PTPRG: variants seen among roughly 807,000 people sequenced by gnomAD.
PTPRG encodes the protein receptor-type tyrosine-protein phosphatase gamma.
PTPRG carries 102 observed loss-of-function variants against 165.3 expected under a neutral mutation model. That is an observed-to-expected ratio of 0.62 (90% CI 0.53 to 0.73). PTPRG has a LOEUF of 0.73. PTPRG is among the 30% of genes least tolerant of loss of function. The pLI is 0.00. For synonymous variants in PTPRG, 675 were observed against 669.5 expected (o/e 1.01, Z -0.13); for missense variants, 1,866 against 1,861.4 (o/e 1.00, Z -0.05).
intron 2 of PTPRG, among the ~76,000 whole-genome samples, chr3:61,974,279 G>A (rs1273196181): frequency 6.6e-6 from 1 of 151,944 alleles, no homozygotes; most frequent in Non-Finnish European, 1.5e-5. Context: ...CAACGTTTAT[G>A]TCATTAATCT....
intron 4 of PTPRG, among the ~76,000 whole-genome samples, chr3:62,032,000 G>A (rs1053102105): frequency 3.9e-5 from 6 of 152,194 alleles, no homozygotes; most frequent in African/African-American, 1.2e-4. Flanking sequence ...GTCAGAACTG[G>A]AAATAAAGAT....
At chr3:61,905,276 C>T (rs2107528648) in intron 2 of PTPRG, among the ~76,000 whole-genome samples, 1 of 152,234 alleles carries the variant, frequency 6.6e-6, no homozygotes, top group East Asian at 1.9e-4. Flanking sequence ...GACTGTGATT[C>T]CAAGTATGTG....
chr3:61,964,265 C>T (rs1356095112), intron 2 of PTPRG, among the ~76,000 whole-genome samples: 2 of 152,158 alleles, frequency 1.3e-5, no homozygotes, highest in South Asian at 4.1e-4. Flanking sequence ...GGCAGGATGG[C>T]TTTATAACAT....
rs1700856536 is a variant in PTPRG, at chr3:62,229,967, T to C, written c.2289-1258T>C. Reference sequence around the variant, plus strand: ...TAGGAAGCTGCAAATTTCAAGTTTTTATGAGAATTTGTAAAAACATTCCAA... The same window carrying C: ...TAGGAAGCTGCAAATTTCAAGTTTTCATGAGAATTTGTAAAAACATTCCAA... On this transcript the variant is annotated intron_variant, in intron 13 of 29. Coordinates refer to ENST00000474889, the MANE Select transcript of PTPRG (RefSeq NM_002841.4). This position sits in a 1 kb window ranked among gnomAD's most constrained non-coding sequence, Gnocchi z 4.6. Among the ~76,000 whole-genome samples, 1 of 152,244 alleles carries C rather than the reference T, an allele frequency of 6.6e-6. No homozygotes were observed. The highest frequency in any genetic ancestry group is 2.4e-5 in the African/African-American group (1 of 41,460).
chr3:62,008,774 C>T lies in PTPRG; in HGVS notation c.519+5277C>T, dbSNP rs113131109. 5.3e-3 allele frequency among the ~76,000 whole-genome samples: 813 copies of T among 152,248 alleles called. 5 individuals carry two copies. Among genetic ancestry groups the T allele is most frequent in the African/African-American group, 0.018 (737 of 41,546 alleles). On this transcript the variant is annotated intron_variant, in intron 4 of 29. Transcript: ENST00000474889. ...CAAAAGGAGCATGCAGCCTAGATCC[C>T]TCGCACGTGCAGTTCACAATAGGGT... is the stretch of plus-strand genomic sequence containing the variant.
intron 8 of PTPRG, among the ~76,000 whole-genome samples, chr3:62,184,601 C>T (rs1221872926): frequency 6.6e-6 from 1 of 152,206 alleles, no homozygotes; most frequent in Non-Finnish European, 1.5e-5. Flanking sequence ...CTGCTTTTAA[C>T]AGGAAATGCC....
At chr3:62,282,436 C>T (rs1702485434) in intron 27 of PTPRG, among the ~76,000 whole-genome samples, 3 of 150,388 alleles carry the variant, frequency 2.0e-5, no homozygotes, top group African/African-American at 7.3e-5. Context: ...CCCTGTGTTG[C>T]CCAGGTGGGT....
At chr3:61,657,711 T>C (rs1387075071) in intron 1 of PTPRG, among the ~76,000 whole-genome samples, 2 of 152,180 alleles carry the variant, frequency 1.3e-5, no homozygotes, top group Admixed American at 6.5e-5. Context: ...ATGAAACCAA[T>C]TGATGATAAA....
chr3:61,657,515 C>T (rs1014750173), intron 1 of PTPRG, among the ~76,000 whole-genome samples: 1 of 152,178 alleles, frequency 6.6e-6, no homozygotes, highest in African/African-American at 2.4e-5. Context: ...TGGTGAGCTC[C>T]TGTAGTCCCA....
chr3:61,897,948 A>T (rs143098021), intron 2 of PTPRG, among the ~76,000 whole-genome samples: 49 of 151,918 alleles, frequency 3.2e-4, no homozygotes, highest in African/African-American at 1.1e-3. Context: ...GTTTTTTTTC[A>T]TGGATTCCTT....
At position 61,868,792 on chromosome 3, in the gene PTPRG, A is replaced by G. The variant is rs765799612; in HGVS notation, c.190+119810A>G. Among the ~76,000 whole-genome samples, 16 of 152,016 alleles carry G rather than the reference A, an allele frequency of 1.1e-4. No individual in the cohort carries two copies. The South Asian group carries it at 1.9e-3, about 18-fold the overall frequency. On this transcript the variant is annotated intron_variant, in intron 2 of 29. Coordinates refer to ENST00000474889, the MANE Select transcript of PTPRG (RefSeq NM_002841.4). ...TCTAAGTCCAGGCTCTCTAGTTCTCATGTTATTTGGAACTCCTTTGGGCAT... is the reference window on the plus strand; with the variant it reads ...TCTAAGTCCAGGCTCTCTAGTTCTCGTGTTATTTGGAACTCCTTTGGGCAT...
rs1702153415 is a variant in PTPRG, at chr3:62,273,911, G to C, written c.3465+67G>C. 6.7e-7 allele frequency: 1 copy of C among 1,503,002 alleles called. No homozygotes were observed. The highest frequency in any genetic ancestry group is 1.4e-5 in the African/African-American group (1 of 72,352). The allele number at this position is 1,503,002 out of a possible 1,614,324, so 93.1% of individuals were successfully genotyped here. ...TGTTTTAAATGCCTTGAGTTTGGGG[G>C]TTATGTCTTCTTTGCATTAATGTAT... On this transcript the variant is annotated intron_variant, in intron 23 of 29. Transcript: ENST00000474889. The surrounding 1 kb of genome is among the most constrained non-coding windows in gnomAD (Gnocchi z 4.1).
intron 4 of PTPRG, among the ~76,000 whole-genome samples, chr3:62,049,239 A>C (rs1700395273): frequency 6.6e-6 from 1 of 152,136 alleles, no homozygotes; most frequent in African/African-American, 2.4e-5. Flanking sequence ...TGCGAGCAGC[A>C]TGTTCACTGT....
intron 5 of PTPRG, among the ~76,000 whole-genome samples, chr3:62,096,758 C>T (rs1025941615): frequency 1.3e-5 from 2 of 152,166 alleles, no homozygotes; most frequent in African/African-American, 2.4e-5. Flanking sequence ...TCTCTCCACC[C>T]TCAGAGTTTC....
At chr3:61,719,280 G>A (rs1399738636) in intron 1 of PTPRG, among the ~76,000 whole-genome samples, 2 of 152,170 alleles carry the variant, frequency 1.3e-5, no homozygotes, top group South Asian at 2.1e-4. Flanking sequence ...AAAGGCCCTG[G>A]GCTTAATTTT....
chr3:62,031,640 A>C (rs1407680832), intron 4 of PTPRG, among the ~76,000 whole-genome samples: 1 of 152,164 alleles, frequency 6.6e-6, no homozygotes, highest in Non-Finnish European at 1.5e-5. Context: ...GCAGTGTAAA[A>C]TTACCTTGGG....
intron 1 of PTPRG, among the ~76,000 whole-genome samples, chr3:61,662,158 C>CT (rs1229662181): frequency 6.6e-6 from 1 of 152,140 alleles, no homozygotes; most frequent in Non-Finnish European, 1.5e-5. Flanking sequence ...TCCACAAAAT[C>CT]TTTTTTCAGA....
chr3:62,170,248 G>GC lies in PTPRG; in HGVS notation c.1033+2085_1033+2086insC, dbSNP rs1432371605. ...ATGAACTAATTTTTTTTTTAACCTAGTTAAAAAAAAATGAAGAAAATAACC... is the reference window on the plus strand; with the variant it reads ...ATGAACTAATTTTTTTTTTAACCTAGCTTAAAAAAAAATGAAGAAAATAACC... On this transcript the variant is annotated intron_variant, in intron 8 of 29. Transcript: ENST00000474889. Among the ~76,000 whole-genome samples, 13 of 151,288 alleles carry GC rather than the reference G, an allele frequency of 8.6e-5. No homozygotes were observed. In the South Asian group the frequency reaches 1.0e-3, roughly 12 times the overall value.
chr3:61,590,707 A>G (rs1185563338), intron 1 of PTPRG, among the ~76,000 whole-genome samples: 4 of 152,354 alleles, frequency 2.6e-5, no homozygotes, highest in African/African-American at 9.6e-5. Flanking sequence ...TGCTGTATTT[A>G]TCATTGTATT....
Sources: gnomAD v4.1 joint callset for allele counts (sites outside exome capture counted in the v4.1 genomes callset) on GRCh38, gnomAD v4.1.1 for gene constraint, Gnocchi (gnomAD v3.1) non-coding constraint, MANE v1.5 for transcripts, NCBI Gene and HGNC (gene_info 2026-07-23, HGNC 2026-07-21) for gene names.